BMPR1B: variants seen among roughly 807,000 people sequenced by gnomAD.
BMPR1B encodes the protein bone morphogenetic protein receptor type-1B.
In BMPR1B, 12 loss-of-function variants were observed where a neutral mutation model predicts 59.1. The ratio of observed to expected loss-of-function variants is 0.20; its 90% CI spans 0.13 to 0.33. BMPR1B has a LOEUF of 0.33. Ranked by LOEUF, BMPR1B falls within the 10% of genes least tolerant of loss-of-function variation. The pLI is 1.00. For synonymous variants in BMPR1B, 237 were observed against 207.3 expected (o/e 1.14, Z -1.23); for missense variants, 550 against 610.9 (o/e 0.90, Z 1.05).
Position 94,985,509 on chromosome 4 carries a change from CTGTGTGTGTGTGTGTGTGTGTG to C in BMPR1B, c.-112-10503_-112-10482del, listed in dbSNP as rs60003954. On this transcript the variant is annotated intron_variant, in intron 2 of 12. Coordinates refer to ENST00000515059, the MANE Select transcript of BMPR1B (RefSeq NM_001203.3). ...AACACCAGAGAAACCAAAATAAGAGCTGTGTGTGTGTGTGTGTGTGTGTGTGTGTGTGTGTGTGTGTGTGTGT... is the reference window on the plus strand; with the variant it reads ...AACACCAGAGAAACCAAAATAAGAGCTGTGTGTGTGTGTGTGTGTGTGTGT... Among the ~76,000 whole-genome samples the C allele has an allele frequency of 4.9e-3, 686 of 138,890 alleles. 6 individuals carry two copies. Among genetic ancestry groups the C allele is most frequent in the African/African-American group, 0.017 (644 of 38,020 alleles). 91.1% of individuals were successfully genotyped at this position (138,890 alleles called of 152,430 possible). A position where few individuals can be genotyped will look rare whatever the true frequency, so the allele number is the denominator to read the frequency against.
intron 6 of BMPR1B, among the ~76,000 whole-genome samples, chr4:95,121,987 G>A (rs1732563074): frequency 6.6e-6 from 1 of 152,124 alleles, no homozygotes; most frequent in Non-Finnish European, 1.5e-5. Context: ...TCTCCTGAAT[G>A]TATGACAGAA....
intron 8 of BMPR1B, 58 bp from the exon 9 acceptor site, chr4:95,129,804 G>T: frequency 6.4e-7 from 1 of 1,571,406 alleles, no homozygotes; most frequent in Non-Finnish European, 8.7e-7. Context: ...GAGAAAAAAA[G>T]ATTAAACAAA....
At chr4:95,140,262 TACTTA>T (rs1734127288) in intron 10 of BMPR1B, among the ~76,000 whole-genome samples, 1 of 152,138 alleles carries the variant, frequency 6.6e-6, no homozygotes, top group Admixed American at 6.5e-5. Flanking sequence ...TGGTGCTCAT[TACTTA>T]ACTTTTAATG....
intron 10 of BMPR1B, among the ~76,000 whole-genome samples, chr4:95,137,278 T>C (rs970213032): frequency 6.6e-6 from 1 of 152,206 alleles, no homozygotes; most frequent in African/African-American, 2.4e-5. Flanking sequence ...GAGAGATAGT[T>C]TGTTATAATT....
chr4:94,987,262 A>G (rs951507278), intron 2 of BMPR1B, among the ~76,000 whole-genome samples: 7 of 146,514 alleles, frequency 4.8e-5, no homozygotes, highest in African/African-American at 1.5e-4. Flanking sequence ...TAAAATATAT[A>G]TTATATATAC....
At chr4:94,929,578 TTTGG>T (rs1396532084) in intron 2 of BMPR1B, among the ~76,000 whole-genome samples, 1 of 152,132 alleles carries the variant, frequency 6.6e-6, no homozygotes, top group Non-Finnish European at 1.5e-5. Context: ...CTGCTGCTGC[TTTGG>T]TTCCTTTGCA....
intron 2 of BMPR1B, among the ~76,000 whole-genome samples, chr4:94,896,773 GT>G (rs1727604171): frequency 1.3e-5 from 2 of 151,944 alleles, no homozygotes; most frequent in Admixed American, 1.3e-4. Context: ...CTTAGAATAT[GT>G]GACTATTTTA....
chr4:94,974,459 T>A (rs185102821), intron 2 of BMPR1B, among the ~76,000 whole-genome samples: 30 of 152,270 alleles, frequency 2.0e-4, no homozygotes, highest in African/African-American at 7.0e-4. Context: ...TATCCCTCAT[T>A]GCCTTCCCAA....
chr4:95,142,723 C>A (rs1378210372), intron 10 of BMPR1B, among the ~76,000 whole-genome samples: 1 of 151,894 alleles, frequency 6.6e-6, no homozygotes, highest in Non-Finnish European at 1.5e-5. Context: ...ATTGCCACAG[C>A]GGGCTGTGCT....
At position 95,123,887 on chromosome 4, in the gene BMPR1B, A is replaced by G; in HGVS notation, c.427A>G (p.Ile143Val). The change falls in exon 7 of 13, where the codon ATA becomes GTA. Residue 143 changes from isoleucine to valine, a missense_variant. By Grantham distance (29) the Ile-to-Val change is conservative. Transcript: ENST00000515059. ...CTGTAGTTTGCTCTTGGTCCTTATC[A>G]TATTATTTTGTTACTTCCGGTAAGT... ...TVCSLLLVLIILFCYFRYKRQ... is the reference protein window; with the variant it reads ...TVCSLLLVLIVLFCYFRYKRQ... 2.5e-6 allele frequency: 4 copies of G among 1,611,136 alleles called. No homozygotes were observed. In the South Asian group the frequency reaches 3.3e-5, roughly 13 times the overall value.
chr4:95,031,703 C>G (rs1010022596), intron 3 of BMPR1B, among the ~76,000 whole-genome samples: 1 of 152,088 alleles, frequency 6.6e-6, no homozygotes, highest in Non-Finnish European at 1.5e-5. Flanking sequence ...CTCCTTGATT[C>G]ACCAGTATGG....
chr4:94,779,979 T>TTACATTTGTTGG (rs1722527984), intron 1 of BMPR1B, among the ~76,000 whole-genome samples: 3 of 152,326 alleles, frequency 2.0e-5, no homozygotes, highest in Middle Eastern at 6.8e-3. Flanking sequence ...TTAATCTCTA[T>TTACATTTGTTGG]GTTACATTTG....
At chr4:95,105,953 A>G (rs137908125) in intron 4 of BMPR1B, among the ~76,000 whole-genome samples, 29 of 152,134 alleles carry the variant, frequency 1.9e-4, no homozygotes, top group Admixed American at 1.8e-3. Flanking sequence ...TGTGTGTGTC[A>G]TTTGAGCTAT....
At chr4:95,113,818 T>G (rs1356202747) in intron 4 of BMPR1B, among the ~76,000 whole-genome samples, 1 of 152,178 alleles carries the variant, frequency 6.6e-6, no homozygotes, top group Non-Finnish European at 1.5e-5. Context: ...CTGTTTGTTC[T>G]TTGATCTTGT....
At chr4:94,965,266 G>T (rs1016363944) in intron 2 of BMPR1B, among the ~76,000 whole-genome samples, 1 of 151,948 alleles carries the variant, frequency 6.6e-6, no homozygotes. Context: ...AGTATCTTTT[G>T]TTGTCACCTT....
chr4:94,773,525 A>G (rs1722260097), intron 1 of BMPR1B, among the ~76,000 whole-genome samples: 1 of 152,122 alleles, frequency 6.6e-6, no homozygotes, highest in Non-Finnish European at 1.5e-5. Flanking sequence ...TATTTAGGTT[A>G]GTAGAAAATA....
intron 7 of BMPR1B, among the ~76,000 whole-genome samples, chr4:95,124,283 G>T (rs1053733807): frequency 6.6e-6 from 1 of 151,768 alleles, no homozygotes; most frequent in Non-Finnish European, 1.5e-5. Context: ...ATTATTAAAA[G>T]ATTTTAAACA....
chr4:94,861,869 T>A (rs2148957322), intron 1 of BMPR1B, among the ~76,000 whole-genome samples: 1 of 152,294 alleles, frequency 6.6e-6, no homozygotes, highest in South Asian at 2.1e-4. Context: ...AATCAGAGGT[T>A]GTTTTACATT....
In BMPR1B at chr4:94,934,971, A is replaced by G. The variant is rs558851095; in HGVS notation, c.-113+59071A>G. Among the ~76,000 whole-genome samples the G allele has an allele frequency of 2.6e-5, 4 of 152,284 alleles. No homozygotes were observed. In the South Asian group the frequency reaches 6.2e-4, roughly 24 times the overall value. ...TTTCTACTTTGTATATTTTAATATA[A>G]TAGTGTGTAGTGTGTTTTCATAACT... On this transcript the variant is annotated intron_variant, in intron 2 of 12. Transcript: ENST00000515059.
Sources: gnomAD v4.1 joint callset for allele counts (sites outside exome capture counted in the v4.1 genomes callset) on GRCh38, gnomAD v4.1.1 for gene constraint, MANE v1.5 for transcripts, NCBI Gene and HGNC (gene_info 2026-07-23, HGNC 2026-07-21) for gene names.